The following PREX1 variants were observed in gnomAD, a reference collection of about 807,000 sequenced individuals.
PREX1 encodes the protein phosphatidylinositol 3,4,5-trisphosphate-dependent Rac exchanger 1 protein.
A neutral mutation model predicts 198.3 loss-of-function variants in PREX1; 41 were observed. The observed-to-expected ratio is 0.21, with a 90% CI of 0.16 to 0.27. PREX1 has a LOEUF of 0.27. Among genes scored for constraint, PREX1 ranks in the 10% least tolerant of loss-of-function variants. PREX1 has a pLI of 1.00. For missense variants in PREX1, 1,620 were observed against 2,200.7 expected, an observed-to-expected ratio of 0.74 and a Z score of 5.28; for synonymous variants, 843 against 887.2, an observed-to-expected ratio of 0.95 and a Z score of 0.89.
At chr20:48,821,349 C>G (rs1444890148) in intron 1 of PREX1, among the ~76,000 whole-genome samples, 4 of 152,214 alleles carry the variant, frequency 2.6e-5, no homozygotes, top group African/African-American at 9.6e-5. Context: ...CACCTCCCCT[C>G]TGGGGACGCA....
chr20:48,815,941 T>A (rs1311642435), intron 1 of PREX1, among the ~76,000 whole-genome samples: 1 of 145,554 alleles, frequency 6.9e-6, no homozygotes, highest in African/African-American at 2.6e-5. Context: ...ACCTGGGAAG[T>A]GGAGGTTGCA....
At chr20:48,688,111 TG>T (rs1411252731) in intron 10 of PREX1, among the ~76,000 whole-genome samples, 2 of 150,874 alleles carry the variant, frequency 1.3e-5, no homozygotes, top group African/African-American at 2.4e-5. Flanking sequence ...GGGGTGGGGG[TG>T]GGGGGCCTAC....
chr20:48,820,312 C>G (rs1310074338), intron 1 of PREX1, among the ~76,000 whole-genome samples: 1 of 152,176 alleles, frequency 6.6e-6, no homozygotes. Context: ...CCCAGAGTAA[C>G]CCTAGGAGTG....
At chr20:48,683,978 T>G (rs1323690834) in intron 10 of PREX1, among the ~76,000 whole-genome samples, 1 of 151,848 alleles carries the variant, frequency 6.6e-6, no homozygotes, top group Non-Finnish European at 1.5e-5. Flanking sequence ...AAAGGGCAGC[T>G]AGGTCCAAGC....
intron 12 of PREX1, 92 bp from the exon 13 acceptor site, chr20:48,679,501 G>C: frequency 1.4e-6 from 2 of 1,456,808 alleles, no homozygotes; most frequent in Non-Finnish European, 1.9e-6. Flanking sequence ...CTTCCAGGAC[G>C]GGGCAGGGCA....
At chr20:48,685,452 C>T (rs1247395464) in intron 10 of PREX1, among the ~76,000 whole-genome samples, 3 of 152,264 alleles carry the variant, frequency 2.0e-5, no homozygotes, top group Non-Finnish European at 4.4e-5. Flanking sequence ...CTGCACACGT[C>T]ACGTGTTCTC....
chr20:48,737,196 G>C (rs777413779), intron 3 of PREX1, among the ~76,000 whole-genome samples: 7 of 142,616 alleles, frequency 4.9e-5, no homozygotes, highest in Non-Finnish European at 7.5e-5. Flanking sequence ...TAGGGCAGTA[G>C]GTGGGAAGGT....
chr20:48,739,565 T>C (rs923635843), intron 3 of PREX1, among the ~76,000 whole-genome samples: 3 of 152,236 alleles, frequency 2.0e-5, no homozygotes, highest in African/African-American at 7.2e-5. Context: ...CTTCACAGTC[T>C]GCACTGGCAT....
intron 29 of PREX1, among the ~76,000 whole-genome samples, chr20:48,641,938 G>T (rs1366399626): frequency 6.7e-6 from 1 of 149,290 alleles, no homozygotes; most frequent in Admixed American, 6.7e-5. Flanking sequence ...GAAGGGGAGG[G>T]GAGGGGAAGG....
intron 22 of PREX1, 93 bp from the exon 23 acceptor site, chr20:48,651,148 C>G: frequency 6.8e-7 from 1 of 1,461,486 alleles, no homozygotes; most frequent in South Asian, 1.3e-5. Flanking sequence ...ACTCGTAATA[C>G]CCCCCGGGAA....
intron 36 of PREX1, among the ~76,000 whole-genome samples, chr20:48,630,482 G>C (rs1188484172): frequency 6.6e-6 from 1 of 152,224 alleles, no homozygotes; most frequent in Non-Finnish European, 1.5e-5. Context: ...GAAATGCTGT[G>C]GTTAATAAGG....
chr20:48,870,526 T>C, the PREX1 span, among the ~76,000 whole-genome samples: 3 of 152,234 alleles, frequency 2.0e-5, no homozygotes. Flanking sequence ...GTGGAGCCTT[T>C]GTCCGTTCAA....
intron 5 of PREX1, among the ~76,000 whole-genome samples, chr20:48,717,241 G>C (rs1225005646): frequency 3.8e-5 from 5 of 132,304 alleles, no homozygotes; most frequent in African/African-American, 1.3e-4. Flanking sequence ...AAGGCAGGAG[G>C]GTGGTGTCAC....
At chr20:48,822,625 A>G (rs2090491263) in intron 1 of PREX1, among the ~76,000 whole-genome samples, 1 of 152,276 alleles carries the variant, frequency 6.6e-6, no homozygotes, top group South Asian at 2.1e-4. Flanking sequence ...TTCTTAAAAA[A>G]TATATTCGCA....
rs200270607 is a variant in PREX1, at chr20:48,666,398, C to T, written c.1666-43G>A. The stretch of plus-strand genomic sequence containing the variant: ...GGGGAGGGTGTTAGGTGGCAGCATC[C>T]GAGAGGCCATGCATGGCCAACGAGA... On this transcript the variant is annotated intron_variant, in intron 14 of 39. Transcript: ENST00000371941. This position sits in a 1 kb window ranked among gnomAD's most constrained non-coding sequence, Gnocchi z 4.3. The T allele has an allele frequency of 1.2e-4, 174 of 1,502,330 alleles. No homozygotes were observed. The African/African-American group carries it at 2.1e-3, about 18-fold the overall frequency. The allele number at this position is 1,502,330 out of a possible 1,614,324, so 93.1% of individuals were successfully genotyped here.
chr20:48,627,774 C>A, intron 38 of PREX1, 87 bp downstream of exon 38: 1 of 1,425,322 alleles, frequency 7.0e-7, no homozygotes, highest in Non-Finnish European at 9.6e-7. Context: ...GGGCTGGTGG[C>A]TACCAGCCCC....
In PREX1 at chr20:48,688,830, G is replaced by A. The variant is rs376494953; in HGVS notation, c.1187-26C>T. The stretch of plus-strand genomic sequence containing the variant: ...CTACACAGGGGCACGGTCAGCACTG[G>A]AGAGAGCACCAGGCCCAGGGCAGGG... On this transcript the variant is annotated intron_variant, in intron 9 of 39. Transcript: ENST00000371941. 5.0e-6 allele frequency: 8 copies of A among 1,613,538 alleles called. No individual in the cohort carries two copies. In the African/African-American group the frequency reaches 9.3e-5, roughly 19 times the overall value.
At chr20:48,757,207 A>G (rs113360249) in intron 1 of PREX1, among the ~76,000 whole-genome samples, 97 of 152,062 alleles carry the variant, frequency 6.4e-4, no homozygotes, top group African/African-American at 2.3e-3. Flanking sequence ...TCCCCTGCAC[A>G]CTGTATCTCA....
Position 48,658,214 on chromosome 20 carries a change from C to A in PREX1, c.1896G>T (p.Glu632Asp). 6.2e-7 allele frequency: 1 copy of A among 1,614,178 alleles called. No homozygotes were observed. The highest frequency in any genetic ancestry group is 8.5e-7 in the Non-Finnish European group (1 of 1,179,998). ...CCTCGATGTCAAAGCCATAGTCCTC[C>A]TCCTGGGGCAGGATCTGGGGGCCCA... is the stretch of plus-strand genomic sequence containing the variant. Reference protein sequence around the residue: ...LAKRLLILPQEEDYGFDIEEK... With the variant: ...LAKRLLILPQDEDYGFDIEEK... The change falls in exon 17 of 40, where the codon GAG becomes GAT. Residue 632 changes from glutamate (E) to aspartate (D), a missense_variant. By Grantham distance (45) the Glu-to-Asp change is conservative. This residue lies in a region of PREX1 where 488 missense variants were observed against 802.5 expected (regional missense o/e 0.61). Coordinates refer to ENST00000371941, the MANE Select transcript of PREX1 (RefSeq NM_020820.4).
Sources: allele counts gnomAD v4.1 joint callset (sites outside exome capture counted in the v4.1 genomes callset), GRCh38; gene constraint gnomAD v4.1.1; regional missense constraint gnomAD v4.1.1; non-coding constraint Gnocchi (gnomAD v3.1); transcripts MANE v1.5; gene names NCBI Gene and HGNC (gene_info 2026-07-23, HGNC 2026-07-21).